Variants in ELAVL2 observed in about 807,000 individuals in gnomAD.
The protein encoded by ELAVL2 is ELAV-like protein 2.
ELAVL2 carries 4 observed loss-of-function variants against 34.6 expected under a neutral mutation model. The observed-to-expected ratio is 0.12, with a 90% CI of 0.06 to 0.26. The LOEUF (loss-of-function observed/expected upper bound fraction) is 0.26. Ranked by LOEUF, ELAVL2 falls within the 10% of genes least tolerant of loss-of-function variation. The probability of loss-of-function intolerance (pLI) is 1.00; values close to 1 mark genes in which losing one functional copy is unlikely to be tolerated. For synonymous variants in ELAVL2, 193 were observed against 154.8 expected (o/e 1.25, Z -1.83); for missense variants, 432 against 442.8 (o/e 0.98, Z 0.22).
intron 2 of ELAVL2, among the ~76,000 whole-genome samples, chr9:23,750,142 A>G (rs892170915): frequency 3.3e-5 from 5 of 152,124 alleles, no homozygotes; most frequent in Non-Finnish European, 7.4e-5. Context: ...ATTGTTTTCT[A>G]TAAGCATTCA....
intron 2 of ELAVL2, among the ~76,000 whole-genome samples, chr9:23,761,648 A>C (rs2055032457): frequency 6.6e-6 from 1 of 151,988 alleles, no homozygotes. Flanking sequence ...CCCTCTCCCA[A>C]ACACATATTG....
intron 2 of ELAVL2, among the ~76,000 whole-genome samples, chr9:23,744,635 T>A (rs2135342546): frequency 1.3e-5 from 2 of 152,204 alleles, no homozygotes; most frequent in East Asian, 3.9e-4. Flanking sequence ...ACTTTATTTT[T>A]CTCAAGCAAG....
At chr9:23,811,371 T>C (rs1251373788) in intron 1 of ELAVL2, among the ~76,000 whole-genome samples, 3 of 149,402 alleles carry the variant, frequency 2.0e-5, no homozygotes, top group Non-Finnish European at 3.0e-5. Context: ...GCAAATGCCA[T>C]TAAGGGAGAA....
chr9:23,834,747 G>A, the ELAVL2 span, among the ~76,000 whole-genome samples: 119 of 151,978 alleles, frequency 7.8e-4, no homozygotes, highest in African/African-American at 2.8e-3. Context: ...AGTTTAAAAG[G>A]CGCCAAAAGG....
chr9:23,702,943 C>A (rs1333631327), intron 4 of ELAVL2, among the ~76,000 whole-genome samples: 1 of 30,942 alleles, frequency 3.2e-5, no homozygotes, highest in Non-Finnish European at 6.9e-5. Context: ...AGAAAAGCAT[C>A]AGATTAGCAA....
At chr9:23,813,990 G>A (rs1284480440) in intron 1 of ELAVL2, among the ~76,000 whole-genome samples, 5 of 152,218 alleles carry the variant, frequency 3.3e-5, no homozygotes, top group Middle Eastern at 3.4e-3. Flanking sequence ...TCCTTAAGGC[G>A]CAGTCGATAA....
intron 1 of ELAVL2, among the ~76,000 whole-genome samples, 184 bp from the exon 2 acceptor site, chr9:23,762,433 T>C (rs1445304013): frequency 3.3e-5 from 5 of 152,084 alleles, no homozygotes; most frequent in African/African-American, 4.8e-5. Context: ...CATCTTAAGG[T>C]TACAACTATA....
rs372920423 is a variant in ELAVL2 at position 23,793,645 on chromosome 9, C to T, written c.-15-31396G>A. On this transcript the variant is annotated intron_variant, in intron 1 of 6. Transcript: ENST00000397312. ...ACTCTCTTTATGAGAGCCTGAGCTTCGTAACCTATACTGGATCCTTATTGA... is the reference window on the plus strand; with the variant it reads ...ACTCTCTTTATGAGAGCCTGAGCTTTGTAACCTATACTGGATCCTTATTGA... Among the ~76,000 whole-genome samples, 34 of 152,240 alleles carry T rather than the reference C, an allele frequency of 2.2e-4. 1 individual carries two copies. The South Asian group carries it at 2.7e-3, about 12-fold the overall frequency.
intron 1 of ELAVL2, among the ~76,000 whole-genome samples, chr9:23,820,532 A>T (rs1260153774): frequency 6.6e-6 from 1 of 152,186 alleles, no homozygotes; most frequent in East Asian, 1.9e-4. Flanking sequence ...ATTCTAAATG[A>T]CCATCTGGGC....
At chr9:23,767,337 C>T (rs1464174070) in intron 1 of ELAVL2, among the ~76,000 whole-genome samples, 1 of 152,148 alleles carries the variant, frequency 6.6e-6, no homozygotes, top group Non-Finnish European at 1.5e-5. Flanking sequence ...AGAAGTCAAA[C>T]TGATCCAATA....
the ELAVL2 span, among the ~76,000 whole-genome samples, chr9:23,838,454 T>C: frequency 6.6e-6 from 1 of 152,080 alleles, no homozygotes; most frequent in Non-Finnish European, 1.5e-5. Context: ...TTTCAGTTTA[T>C]AAACAAAATA....
intron 1 of ELAVL2, among the ~76,000 whole-genome samples, chr9:23,811,161 A>C (rs951964447): frequency 6.6e-6 from 1 of 152,158 alleles, no homozygotes; most frequent in African/African-American, 2.4e-5. Context: ...ACCATCCACA[A>C]AACAATGTTT....
chr9:23,763,209 A>C (rs927505485), intron 1 of ELAVL2, among the ~76,000 whole-genome samples: 15 of 152,226 alleles, frequency 9.9e-5, no homozygotes, highest in African/African-American at 3.4e-4. Flanking sequence ...TAAACTCCAA[A>C]CACCAGATAA....
At chr9:23,748,423 A>G (rs763469656) in intron 2 of ELAVL2, among the ~76,000 whole-genome samples, 2 of 152,064 alleles carry the variant, frequency 1.3e-5, no homozygotes, top group Non-Finnish European at 1.5e-5. Flanking sequence ...CTGGGAGAAA[A>G]GAGTAGAAAA....
intron 2 of ELAVL2, among the ~76,000 whole-genome samples, chr9:23,749,809 T>C (rs956455281): frequency 5.9e-5 from 9 of 152,114 alleles, no homozygotes; most frequent in South Asian, 2.1e-4. Context: ...GCTTGCTAGA[T>C]AGAGGTTTCT....
intron 2 of ELAVL2, among the ~76,000 whole-genome samples, chr9:23,752,160 A>G (rs184401994): frequency 9.3e-4 from 141 of 152,326 alleles, no homozygotes; most frequent in Non-Finnish European, 1.6e-3. Flanking sequence ...ACTGGTAAGA[A>G]GAGGACAGGA....
intron 1 of ELAVL2, among the ~76,000 whole-genome samples, chr9:23,803,162 A>T (rs926082426): frequency 6.6e-6 from 1 of 152,142 alleles, no homozygotes; most frequent in Non-Finnish European, 1.5e-5. Flanking sequence ...CAGCTCTGGG[A>T]CTATGTAAAC....
chr9:23,787,809 CTT>C (rs1346088411), intron 1 of ELAVL2, among the ~76,000 whole-genome samples: 1 of 152,186 alleles, frequency 6.6e-6, no homozygotes, highest in East Asian at 1.9e-4. Context: ...CTGTAAAAGA[CTT>C]TTGTAAGACA....
intron 1 of ELAVL2, among the ~76,000 whole-genome samples, chr9:23,788,040 G>A (rs1353927926): frequency 6.6e-6 from 1 of 152,166 alleles, no homozygotes; most frequent in East Asian, 1.9e-4. Flanking sequence ...ATTTTGCTGA[G>A]AGAATGAACT....
Sources: gnomAD v4.1 joint callset for allele counts (sites outside exome capture counted in the v4.1 genomes callset) on GRCh38, gnomAD v4.1.1 for gene constraint, MANE v1.5 for transcripts, NCBI Gene and HGNC (gene_info 2026-07-23, HGNC 2026-07-21) for gene names.